WIPF2: variants seen among roughly 807,000 people sequenced by gnomAD.
WIPF2 encodes the protein WAS/WASL-interacting protein family member 2.
Under a neutral mutation model 38.8 loss-of-function variants are expected in WIPF2, and 23 were observed. The ratio of observed to expected loss-of-function variants is 0.59; its 90% CI spans 0.43 to 0.84. The LOEUF (loss-of-function observed/expected upper bound fraction) is 0.84. Ranked by LOEUF, WIPF2 falls within the 40% of genes least tolerant of loss-of-function variation. The pLI, the probability that WIPF2 is intolerant of heterozygous loss-of-function variation, is 0.00. For synonymous variants in WIPF2, 210 were observed against 223.2 expected (o/e 0.94, Z 0.53); for missense variants, 574 against 580.5 (o/e 0.99, Z 0.11).
At chr17:40,253,012 C>T (rs188880917) in intron 1 of WIPF2, among the ~76,000 whole-genome samples, 6 of 151,628 alleles carry the variant, frequency 4.0e-5, no homozygotes, top group Middle Eastern at 3.4e-3. Context: ...GTGATCTGCC[C>T]GCCTCAGCCT....
Position 40,250,219 on chromosome 17 carries a change from G to GTTTTTTTTTTTTTTT in WIPF2, c.-69-6158_-69-6144dup, listed in dbSNP as rs1170849046. Among the ~76,000 whole-genome samples the GTTTTTTTTTTTTTTT allele has an allele frequency of 3.2e-5, 2 of 62,548 alleles. 1 individual carries two copies. Among genetic ancestry groups the GTTTTTTTTTTTTTTT allele is most frequent in the Non-Finnish European group, 6.1e-5 (2 of 32,774 alleles). The allele number at this position is 62,548 out of a possible 152,430, so 41.0% of individuals were successfully genotyped here. A position where few individuals can be genotyped will look rare whatever the true frequency, so the allele number is the denominator to read the frequency against. On this transcript the variant is annotated intron_variant, in intron 1 of 7. Coordinates refer to ENST00000323571, the MANE Select transcript of WIPF2 (RefSeq NM_133264.5). ...GGATGTGCAAAGCGAATTTTATCAT[G>GTTTTTTTTTTTTTTT]TTTTTTTTTTTTTTTTTTTTTTTTT...
chr17:40,228,663 CTG>C (rs376107786), intron 1 of WIPF2, among the ~76,000 whole-genome samples: 6 of 151,984 alleles, frequency 3.9e-5, no homozygotes, highest in Non-Finnish European at 8.8e-5. Context: ...GAGTCTCTCT[CTG>C]TCACCCAGGC....
intron 1 of WIPF2, among the ~76,000 whole-genome samples, chr17:40,235,073 C>T (rs1264919542): frequency 6.6e-6 from 1 of 152,124 alleles, no homozygotes; most frequent in Non-Finnish European, 1.5e-5. Context: ...CGTCCGCCAC[C>T]ACGCCCAGCT....
chr17:40,220,606 TATATATATATATGTATATATATA>T (rs1567705847), intron 1 of WIPF2: 30 of 121,636 alleles, frequency 2.5e-4, no homozygotes, highest in African/African-American at 1.0e-3. Context: ...TATATATATA[TATATATATATATGTATATATATA>T]TATTTTTTTG....
chr17:40,263,291 A>G (rs1018701614), intron 4 of WIPF2, among the ~76,000 whole-genome samples: 5 of 151,942 alleles, frequency 3.3e-5, no homozygotes, highest in South Asian at 4.2e-4. Flanking sequence ...GGGGCATGCA[A>G]CCTAGATCCC....
chr17:40,220,605 ATATAT>A (rs2030173678), intron 1 of WIPF2: 3 of 116,322 alleles, frequency 2.6e-5, no homozygotes, highest in African/African-American at 1.1e-4. Flanking sequence ...ATATATATAT[ATATAT>A]ATATATATGT....
At chr17:40,277,036 G>T in intron 6 of WIPF2, 47 bp from the exon 7 acceptor site, 4 of 1,499,840 alleles carry the variant, frequency 2.7e-6, no homozygotes, top group Non-Finnish European at 3.7e-6. Context: ...AGGCCTGTGG[G>T]AGCACAAGCA....
intron 5 of WIPF2, among the ~76,000 whole-genome samples, chr17:40,272,447 G>A (rs1199757885): frequency 6.6e-6 from 1 of 152,206 alleles, no homozygotes; most frequent in Non-Finnish European, 1.5e-5. Flanking sequence ...AGAGGTGTTT[G>A]CAGTGTTTGA....
chr17:40,262,976 C>T (rs78123595), intron 4 of WIPF2, among the ~76,000 whole-genome samples: 173 of 152,220 alleles, frequency 1.1e-3, no homozygotes, highest in Non-Finnish European at 1.8e-3. Flanking sequence ...TGCATGATCT[C>T]ATTTATATGT....
At chr17:40,275,027 G>A (rs2032355146) in intron 6 of WIPF2, among the ~76,000 whole-genome samples, 2 of 151,302 alleles carry the variant, frequency 1.3e-5, no homozygotes, top group Non-Finnish European at 1.5e-5. Flanking sequence ...ATCACCTGAG[G>A]TCAGGAGTTT....
At chr17:40,254,248 C>A (rs2031650769) in intron 1 of WIPF2, among the ~76,000 whole-genome samples, 1 of 152,120 alleles carries the variant, frequency 6.6e-6, no homozygotes, top group Non-Finnish European at 1.5e-5. Context: ...AACTCCTGGG[C>A]TCAAGCCGTC....
chr17:40,238,554 C>T (rs377324682), intron 1 of WIPF2, among the ~76,000 whole-genome samples: 1 of 151,962 alleles, frequency 6.6e-6, no homozygotes, highest in Non-Finnish European at 1.5e-5. Context: ...CTGCCTGCCT[C>T]GGCCTCCTAA....
At chr17:40,233,551 TG>T (rs1364427155) in intron 1 of WIPF2, among the ~76,000 whole-genome samples, 1 of 152,036 alleles carries the variant, frequency 6.6e-6, no homozygotes, top group Non-Finnish European at 1.5e-5. Flanking sequence ...ATTGAACTCT[TG>T]GGCTCAAGCA....
Position 40,278,550 on chromosome 17 carries a change from C to A in WIPF2, c.*325C>A. The A allele has an allele frequency of 3.0e-6, 1 of 332,956 alleles. No homozygotes were observed. Among genetic ancestry groups the A allele is most frequent in the Non-Finnish European group, 5.6e-6 (1 of 177,658 alleles). 20.6% of individuals were successfully genotyped at this position (332,956 alleles called of 1,614,324 possible). ...GGTGCCTTGTTGTGATGAATTAACT[C>A]ACTGTTAGGGCAGGGTGGAGAATGG... On this transcript the variant is annotated 3_prime_UTR_variant, in exon 8 of 8. Coordinates refer to ENST00000323571, the MANE Select transcript of WIPF2 (RefSeq NM_133264.5).
Position 40,281,772 on chromosome 17 carries a change from T to TG in WIPF2, c.*3552dup, listed in dbSNP as rs1475798881. 1 of 151,956 alleles carries TG rather than the reference T, an allele frequency of 6.6e-6. No individual in the cohort carries two copies. Among genetic ancestry groups the TG allele is most frequent in the Non-Finnish European group, 1.5e-5 (1 of 67,974 alleles). 9.4% of individuals were successfully genotyped at this position (151,956 alleles called of 1,614,324 possible). ...TCTGTAGGCTGAGTGCTTATGGGGG[T>TG]GGGGGAGAAGGGTGACTCCAGGGTC... On this transcript the variant is annotated 3_prime_UTR_variant, in exon 8 of 8. Coordinates refer to ENST00000323571, the MANE Select transcript of WIPF2 (RefSeq NM_133264.5).
intron 1 of WIPF2, among the ~76,000 whole-genome samples, chr17:40,240,896 G>T (rs1236667041): frequency 2.1e-5 from 3 of 144,748 alleles, no homozygotes; most frequent in Non-Finnish European, 4.5e-5. Context: ...AGTGAGCCGA[G>T]ATAGCGCCAC....
intron 1 of WIPF2, among the ~76,000 whole-genome samples, chr17:40,233,303 G>T (rs2030825649): frequency 6.6e-6 from 1 of 151,896 alleles, no homozygotes; most frequent in African/African-American, 2.4e-5. Flanking sequence ...AGGGTTTTTT[G>T]ATTTTTGGTA....
chr17:40,267,296 G>T (rs1189492349), intron 5 of WIPF2, among the ~76,000 whole-genome samples: 3 of 152,150 alleles, frequency 2.0e-5, no homozygotes, highest in Non-Finnish European at 4.4e-5. Flanking sequence ...AGGGAAGGGT[G>T]TATGTGAGGG....
At position 40,262,514 on chromosome 17, in the gene WIPF2, A is replaced by G. The variant is rs141891164; in HGVS notation, c.197-11A>G. 919 of 1,611,404 alleles carry G rather than the reference A, an allele frequency of 5.7e-4. 1 individual carries two copies. Among genetic ancestry groups the G allele is most frequent in the Middle Eastern group, 3.6e-3 (22 of 6,050 alleles). ...CATGTGAAATGAAAACCCTACTGGT[A>G]TGCTTTCCAGAGCCGAAAGGAAGCA... On this transcript the variant is annotated splice_polypyrimidine_tract_variant and intron_variant, in intron 3 of 7. Transcript: ENST00000323571.
Sources: allele counts gnomAD v4.1 joint callset (sites outside exome capture counted in the v4.1 genomes callset), GRCh38; gene constraint gnomAD v4.1.1; transcripts MANE v1.5; gene names NCBI Gene and HGNC (gene_info 2026-07-23, HGNC 2026-07-21).